The following MLXIP variants were observed in gnomAD, a reference collection of about 807,000 sequenced individuals.
MLXIP encodes the protein MLX-interacting protein.
A neutral mutation model predicts 87.2 loss-of-function variants in MLXIP; 30 were observed. The ratio of observed to expected loss-of-function variants is 0.34; its 90% CI spans 0.26 to 0.47. MLXIP has a LOEUF of 0.47. Ranked by LOEUF, MLXIP falls within the 20% of genes least tolerant of loss-of-function variation. The pLI, the probability that MLXIP is intolerant of heterozygous loss-of-function variation, is 1.00. For synonymous variants in MLXIP, 530 were observed against 514.0 expected, an observed-to-expected ratio of 1.03 and a Z score of -0.42; for missense variants, 1,002 against 1,240.1, an observed-to-expected ratio of 0.81 and a Z score of 2.88.
At position 122,135,399 on chromosome 12, in the gene MLXIP, G is replaced by A. The variant is rs1184567220; in HGVS notation, c.1854+54G>A. 1 of 1,600,380 alleles carries A rather than the reference G, an allele frequency of 6.2e-7. No individual in the cohort carries two copies. Among genetic ancestry groups the A allele is most frequent in the African/African-American group, 1.3e-5 (1 of 74,750 alleles). Reference sequence around the variant, plus strand: ...TGTCCTTCTCACCCCGGAGCACTCTGATCTTGGGCGGCCCTCACCTGAGAC... The same window carrying A: ...TGTCCTTCTCACCCCGGAGCACTCTAATCTTGGGCGGCCCTCACCTGAGAC... On this transcript the variant is annotated intron_variant, in intron 10 of 16. Coordinates refer to ENST00000319080, the MANE Select transcript of MLXIP (RefSeq NM_014938.6). This position sits in a 1 kb window ranked among gnomAD's most constrained non-coding sequence, Gnocchi z 5.3.
At position 122,133,485 on chromosome 12, in the gene MLXIP, C is replaced by G. The variant is rs1403218305; in HGVS notation, c.1230C>G (p.Ile410Met). 1.2e-6 allele frequency: 2 copies of G among 1,613,154 alleles called. No homozygotes were observed. Among genetic ancestry groups the G allele is most frequent in the East Asian group, 2.2e-5 (1 of 44,842 alleles). The change falls in exon 9 of 17, where the codon ATC becomes ATG. Residue 410 changes from isoleucine to methionine, a missense_variant. Ile to Met is a conservative substitution (Grantham distance 10). Around this residue, in one of 3 missense-constraint regions of MLXIP, gnomAD observed 746 missense variants for 897.0 expected, o/e 0.83. Transcript: ENST00000319080. The surrounding 1 kb of genome is among the most constrained non-coding windows in gnomAD (Gnocchi z 4.9). The part of the protein sequence containing the change: ...EHTSRTEDPF[I>M]QPTDFGPSEP... ...CCTCCCGGACTGAGGACCCGTTTATCCAGCCCACGGACTTCGGTCCCTCAG... is the reference window on the plus strand; with the variant it reads ...CCTCCCGGACTGAGGACCCGTTTATGCAGCCCACGGACTTCGGTCCCTCAG...
intron 3 of MLXIP, chr12:122,128,266 G>A (rs1952914248): frequency 6.2e-6 from 2 of 324,584 alleles, no homozygotes; most frequent in African/African-American, 4.3e-5. Flanking sequence ...GTGTCTAGAG[G>A]AATATATAGA....
intron 1 of MLXIP, among the ~76,000 whole-genome samples, chr12:122,089,210 G>A (rs1398295741): frequency 6.6e-6 from 1 of 151,994 alleles, no homozygotes; most frequent in Non-Finnish European, 1.5e-5. Context: ...AGAACAGCCT[G>A]AAGAACCTCT....
chr12:122,094,106 G>A (rs1376923417), intron 1 of MLXIP, among the ~76,000 whole-genome samples: 1 of 146,362 alleles, frequency 6.8e-6, no homozygotes, highest in African/African-American at 2.5e-5. Context: ...TGGTGTGTGT[G>A]TGGTGTGTTG....
intron 1 of MLXIP, among the ~76,000 whole-genome samples, chr12:122,106,515 C>T (rs1478188821): frequency 1.4e-4 from 22 of 151,802 alleles, no homozygotes; most frequent in African/African-American, 5.1e-4. Context: ...GGATGTTCCA[C>T]TCCCTGGCCT....
Position 122,127,237 on chromosome 12 carries a change from G to C in MLXIP, c.414-19G>C. 1 of 1,593,826 alleles carries C rather than the reference G, an allele frequency of 6.3e-7. No homozygotes were observed. The highest frequency in any genetic ancestry group is 8.6e-7 in the Non-Finnish European group (1 of 1,162,780). On this transcript the variant is annotated intron_variant, in intron 1 of 16. Coordinates refer to ENST00000319080, the MANE Select transcript of MLXIP (RefSeq NM_014938.6). ...TTCAGAGTAACCACTGAGTCTCCCC[G>C]CTTTGCCTTGCCTTTCAGTGGGAAG...
rs778593659 is a variant in MLXIP, at chr12:122,138,900, G to C, written c.2470G>C (p.Val824Leu). 1 of 1,614,044 alleles carries C rather than the reference G, an allele frequency of 6.2e-7. No homozygotes were observed. The highest frequency in any genetic ancestry group is 8.5e-7 in the Non-Finnish European group (1 of 1,179,906). ...DHMKDMFDEYVKTRTLQNWKF... is the reference protein window; with the variant it reads ...DHMKDMFDEYLKTRTLQNWKF... ...CATGAAAGACATGTTTGACGAATAC[G>C]TGAAAACCCGGACCTTGCAGAATTG... Residue 824 changes from valine to leucine, a missense_variant, in exon 15 of 17, where the codon GTG becomes CTG. Val to Leu is a conservative substitution (Grantham distance 32). Coordinates refer to ENST00000319080, the MANE Select transcript of MLXIP (RefSeq NM_014938.6).
chr12:122,130,153 C>A (rs1952952049), intron 6 of MLXIP, 41 bp downstream of exon 6: 2 of 1,575,116 alleles, frequency 1.3e-6, no homozygotes, highest in Non-Finnish European at 1.7e-6. Flanking sequence ...CAGCCAGCCG[C>A]TTCCTTCTCT....
rs770320264 is a variant in MLXIP at position 122,133,178 on chromosome 12, C to T, written c.1093-170C>T. 203 of 673,016 alleles carry T rather than the reference C, an allele frequency of 3.0e-4. No homozygotes were observed. The highest frequency in any genetic ancestry group is 3.7e-4 in the Admixed American group (11 of 29,542). The allele number at this position is 673,016 out of a possible 1,614,324, so 41.7% of individuals were successfully genotyped here. On this transcript the variant is annotated intron_variant, in intron 8 of 16. Transcript: ENST00000319080. This position sits in a 1 kb window ranked among gnomAD's most constrained non-coding sequence, Gnocchi z 4.9. The stretch of plus-strand genomic sequence containing the variant: ...AATGGAAACAAGACCCCCGCAGACA[C>T]GCAGGGAAACACAAATCCCTATCAG...
At chr12:122,082,865 G>T (rs573788420) in intron 1 of MLXIP, among the ~76,000 whole-genome samples, 44 of 152,290 alleles carry the variant, frequency 2.9e-4, no homozygotes, top group Admixed American at 9.2e-4. Context: ...CTGTTTCCCA[G>T]TCTGGAGGAT....
chr12:122,093,662 ATG>A (rs1422722265), intron 1 of MLXIP, among the ~76,000 whole-genome samples: 1 of 56,332 alleles, frequency 1.8e-5, no homozygotes, highest in Non-Finnish European at 3.3e-5. Flanking sequence ...GTGTGTTGAT[ATG>A]TGTGTGTGGT....
At chr12:122,131,716 A>T (rs928219795) in intron 7 of MLXIP, among the ~76,000 whole-genome samples, 4 of 151,294 alleles carry the variant, frequency 2.6e-5, no homozygotes, top group African/African-American at 9.7e-5. Context: ...GTAAGCCATC[A>T]CACCCAGCCT....
At chr12:122,139,120 G>A in intron 15 of MLXIP, 182 bp downstream of exon 15, 1 of 523,318 alleles carries the variant, frequency 1.9e-6, no homozygotes, top group Non-Finnish European at 2.5e-6. Flanking sequence ...TGTGTGGGCT[G>A]GAGGTGCTGA....
intron 5 of MLXIP, 65 bp from the exon 6 acceptor site, chr12:122,129,876 C>T (rs778138073): frequency 1.6e-5 from 25 of 1,548,106 alleles, no homozygotes; most frequent in Admixed American, 7.2e-5. Context: ...AGGTGACAGG[C>T]GTGGGAATTC....
intron 1 of MLXIP, among the ~76,000 whole-genome samples, chr12:122,082,690 T>C (rs1408426319): frequency 1.3e-5 from 2 of 152,248 alleles, no homozygotes; most frequent in African/African-American, 4.8e-5. Context: ...TGACAAATAC[T>C]AAATAGAAGC....
intron 7 of MLXIP, among the ~76,000 whole-genome samples, 187 bp downstream of exon 7, chr12:122,131,120 T>C (rs1237108050): frequency 1.3e-5 from 2 of 152,140 alleles, no homozygotes; most frequent in Non-Finnish European, 2.9e-5. Context: ...TCTGGGACAT[T>C]GTTCAGCAAG....
intron 8 of MLXIP, 111 bp downstream of exon 8, chr12:122,132,494 A>C: frequency 1.2e-6 from 1 of 838,930 alleles, no homozygotes; most frequent in Non-Finnish European, 1.9e-6. Flanking sequence ...GTCACCAGCA[A>C]AGCGCCAAGC....
chr12:122,129,699 A>T, intron 5 of MLXIP, 70 bp downstream of exon 5: 1 of 1,577,142 alleles, frequency 6.3e-7, no homozygotes, highest in Non-Finnish European at 8.6e-7. Context: ...GTGGCCCACC[A>T]GGGAGCCCTG....
In MLXIP at chr12:122,094,246, TTGG is replaced by T. The variant is rs1454603583; in HGVS notation, c.413+14983_413+14985del. 1.6e-4 allele frequency among the ~76,000 whole-genome samples: 14 copies of T among 89,608 alleles called. No homozygotes were observed. The South Asian group carries it at 3.3e-3, about 21-fold the overall frequency. The allele number at this position is 89,608 out of a possible 152,430, so 58.8% of individuals were successfully genotyped here. On this transcript the variant is annotated intron_variant, in intron 1 of 16. Transcript: ENST00000319080. Reference sequence around the variant, plus strand: ...TGTGTATGTGGTGTCTGGTGTGGTATTGGTGTGTGTGTTGGTGTGTGGGTGTGT... The same window carrying T: ...TGTGTATGTGGTGTCTGGTGTGGTATTGTGTGTGTTGGTGTGTGGGTGTGT...
Sources: allele counts gnomAD v4.1 joint callset (sites outside exome capture counted in the v4.1 genomes callset), GRCh38; gene constraint gnomAD v4.1.1; regional missense constraint gnomAD v4.1.1; non-coding constraint Gnocchi (gnomAD v3.1); transcripts MANE v1.5; gene names NCBI Gene and HGNC (gene_info 2026-07-23, HGNC 2026-07-21).